FBXL17: variants seen among roughly 807,000 people sequenced by gnomAD.
FBXL17 encodes the protein F-box/LRR-repeat protein 17.
In FBXL17, 22 loss-of-function variants were observed where a neutral mutation model predicts 66.2. The observed-to-expected ratio is 0.33, with a 90% CI of 0.24 to 0.47. The LOEUF (loss-of-function observed/expected upper bound fraction) is 0.47, where lower values mean the gene tolerates loss of function less well. FBXL17 is among the 20% of genes least tolerant of loss of function. The pLI is 1.00. For missense variants in FBXL17, 878 were observed against 948.2 expected, an observed-to-expected ratio of 0.93 and a Z score of 0.97; for synonymous variants, 474 against 400.5, an observed-to-expected ratio of 1.18 and a Z score of -2.19.
At chr5:108,085,652 G>C (rs1027076044) in intron 6 of FBXL17, among the ~76,000 whole-genome samples, 1 of 152,070 alleles carries the variant, frequency 6.6e-6, no homozygotes, top group Admixed American at 6.6e-5. Context: ...CAGAACACTG[G>C]GGCTAGGTGT....
intron 6 of FBXL17, among the ~76,000 whole-genome samples, chr5:108,024,013 T>C (rs1754701255): frequency 6.6e-6 from 1 of 152,190 alleles, no homozygotes; most frequent in Admixed American, 6.6e-5. Context: ...GAGCAAGCCA[T>C]GAGTCTCTAA....
At chr5:108,230,914 T>C (rs1406119228) in intron 4 of FBXL17, among the ~76,000 whole-genome samples, 1 of 150,980 alleles carries the variant, frequency 6.6e-6, no homozygotes, top group Non-Finnish European at 1.5e-5. Flanking sequence ...TGTAACCAAA[T>C]ATCACCTGTA....
At chr5:108,299,531 T>A in intron 4 of FBXL17, 1 of 955,298 alleles carries the variant, frequency 1.0e-6, no homozygotes, top group Non-Finnish European at 1.2e-6. Context: ...AATTTCTATA[T>A]AATCCTTCAA....
rs913709518 is a variant in FBXL17, at chr5:108,021,126, G to A, written c.1746-125C>T. ...CTTCTTTAATGGTGTTTCAGGAAAG[G>A]TATTATATTCCCTGCTTTAAAGTCA... is the stretch of plus-strand genomic sequence containing the variant. On this transcript the variant is annotated intron_variant, in intron 6 of 8. Coordinates refer to ENST00000542267, the MANE Select transcript of FBXL17 (RefSeq NM_001163315.3). 4 of 627,686 alleles carry A rather than the reference G, an allele frequency of 6.4e-6. No homozygotes were observed. In the East Asian group the frequency reaches 1.1e-4, roughly 17 times the overall value. 38.9% of individuals were successfully genotyped at this position (627,686 alleles called of 1,614,324 possible). A position where few individuals can be genotyped will look rare whatever the true frequency, so the allele number is the denominator to read the frequency against.
chr5:107,989,964 CT>C (rs1753174648), intron 7 of FBXL17, among the ~76,000 whole-genome samples: 1 of 152,168 alleles, frequency 6.6e-6, no homozygotes. Context: ...CTGTGAAGTT[CT>C]TTTCTTCTCT....
intron 6 of FBXL17, among the ~76,000 whole-genome samples, chr5:108,144,702 A>G (rs1352490125): frequency 1.3e-5 from 2 of 152,162 alleles, no homozygotes; most frequent in Non-Finnish European, 2.9e-5. Flanking sequence ...GATTTTGCAT[A>G]CTTTTTCTTA....
At chr5:108,048,249 A>G (rs1367100799) in intron 6 of FBXL17, among the ~76,000 whole-genome samples, 2 of 152,198 alleles carry the variant, frequency 1.3e-5, no homozygotes, top group African/African-American at 2.4e-5. Flanking sequence ...AACAGAAAGC[A>G]ACAACAACAG....
chr5:108,367,255 T>C (rs1283145416), intron 2 of FBXL17, among the ~76,000 whole-genome samples: 1 of 152,114 alleles, frequency 6.6e-6, no homozygotes, highest in Non-Finnish European at 1.5e-5. Context: ...AAACTCTTTT[T>C]TCCTAATTTA....
chr5:108,370,735 T>G (rs1215582842), intron 1 of FBXL17, among the ~76,000 whole-genome samples: 1 of 144,512 alleles, frequency 6.9e-6, no homozygotes, highest in Admixed American at 7.0e-5. Context: ...AGAGCAAGAC[T>G]CCTTCTCGGA....
intron 4 of FBXL17, among the ~76,000 whole-genome samples, chr5:108,276,926 A>G (rs903369968): frequency 1.3e-5 from 2 of 152,124 alleles, no homozygotes; most frequent in African/African-American, 4.8e-5. Flanking sequence ...TTTTTTCTCT[A>G]GGCAATTAGA....
intron 7 of FBXL17, among the ~76,000 whole-genome samples, chr5:107,929,448 A>C (rs1466023342): frequency 6.6e-6 from 1 of 152,190 alleles, no homozygotes; most frequent in South Asian, 2.1e-4. Flanking sequence ...TATTATAAAA[A>C]CAGTGTTTAG....
chr5:108,277,872 A>T (rs1474683752), intron 4 of FBXL17, among the ~76,000 whole-genome samples: 1 of 152,238 alleles, frequency 6.6e-6, no homozygotes, highest in East Asian at 1.9e-4. Context: ...TGTCTTAAAA[A>T]ATGTATATAC....
At chr5:107,980,664 A>ATTTTTTTTTTTTTT (rs57472813) in intron 7 of FBXL17, among the ~76,000 whole-genome samples, 2 of 62,074 alleles carry the variant, frequency 3.2e-5, no homozygotes, top group African/African-American at 2.1e-4. Flanking sequence ...ATATATATAT[A>ATTTTTTTTTTTTTT]TTTTTTTTTT....
At chr5:108,181,963 T>A (rs1753021020) in intron 6 of FBXL17, among the ~76,000 whole-genome samples, 1 of 152,234 alleles carries the variant, frequency 6.6e-6, no homozygotes, top group East Asian at 1.9e-4. Flanking sequence ...CTAAATTTAA[T>A]AGAAATAGTA....
At chr5:108,107,032 T>A (rs1195233264) in intron 6 of FBXL17, among the ~76,000 whole-genome samples, 1 of 152,128 alleles carries the variant, frequency 6.6e-6, no homozygotes. Context: ...ATTATAAAAA[T>A]CAATTATGTA....
intron 7 of FBXL17, among the ~76,000 whole-genome samples, chr5:107,928,801 A>C (rs1271355610): frequency 6.6e-6 from 1 of 152,178 alleles, no homozygotes; most frequent in African/African-American, 2.4e-5. Context: ...CTACAATTAC[A>C]CAATTATCAG....
chr5:107,968,029 C>T (rs945895580), intron 7 of FBXL17, among the ~76,000 whole-genome samples: 2 of 152,040 alleles, frequency 1.3e-5, no homozygotes, highest in African/African-American at 4.8e-5. Context: ...CAAAACTGTA[C>T]ATATTTAAAG....
chr5:108,224,449 T>C (rs980653563), intron 4 of FBXL17, among the ~76,000 whole-genome samples: 1 of 152,046 alleles, frequency 6.6e-6, no homozygotes, highest in Non-Finnish European at 1.5e-5. Context: ...TTTATACTTC[T>C]TCAGACATGT....
chr5:108,207,704 T>G (rs986070450), intron 5 of FBXL17, among the ~76,000 whole-genome samples: 42 of 152,244 alleles, frequency 2.8e-4, no homozygotes, highest in African/African-American at 9.9e-4. Context: ...TGCCACATTT[T>G]CTTTATCCAG....
Sources: gnomAD v4.1 joint callset for allele counts (sites outside exome capture counted in the v4.1 genomes callset) on GRCh38, gnomAD v4.1.1 for gene constraint, MANE v1.5 for transcripts, NCBI Gene and HGNC (gene_info 2026-07-23, HGNC 2026-07-21) for gene names.